Variants in SH2D4B observed in about 807,000 individuals in gnomAD.
SH2D4B encodes the protein SH2 domain containing 4B.
SH2D4B carries 45 observed loss-of-function variants against 61.5 expected under a neutral mutation model. That is an observed-to-expected ratio of 0.73 (90% confidence interval 0.58 to 0.94). The LOEUF is 0.94. SH2D4B is among the 40% of genes least tolerant of loss of function. The probability of loss-of-function intolerance (pLI) is 0.00; values close to 1 mark genes in which losing one functional copy is unlikely to be tolerated. For synonymous variants in SH2D4B, 224 were observed against 220.4 expected (o/e 1.02, Z -0.14); for missense variants, 572 against 574.2 (o/e 1.00, Z 0.04).
At position 80,579,002 on chromosome 10, in the gene SH2D4B, A is replaced by G. The variant is rs565259336; in HGVS notation, c.495+7424A>G. Among the ~76,000 whole-genome samples the G allele has an allele frequency of 7.7e-4, 117 of 152,302 alleles. 1 individual carries two copies. The highest frequency in any genetic ancestry group is 2.1e-4 in the Non-Finnish European group (14 of 68,006). On this transcript the variant is annotated intron_variant, in intron 3 of 7. Transcript: ENST00000646907. ...GAGGAGATGGCAGCACCATCCCACCATGGGGAGCTGGGGAGGGTGTGCAGA... is the reference window on the plus strand; with the variant it reads ...GAGGAGATGGCAGCACCATCCCACCGTGGGGAGCTGGGGAGGGTGTGCAGA...
intron 4 of SH2D4B, among the ~76,000 whole-genome samples, chr10:80,592,800 G>A (rs577829108): frequency 1.4e-5 from 2 of 147,548 alleles, no homozygotes; most frequent in South Asian, 4.2e-4. Flanking sequence ...TGCAAGCTCT[G>A]CCCTATGGGC....
chr10:80,562,733 C>T (rs1206916144), intron 1 of SH2D4B, among the ~76,000 whole-genome samples: 1 of 152,098 alleles, frequency 6.6e-6, no homozygotes, highest in African/African-American at 2.4e-5. Context: ...CTAATTTATG[C>T]TCCCACCAAC....
intron 6 of SH2D4B, among the ~76,000 whole-genome samples, chr10:80,624,745 C>T (rs745808357): frequency 6.6e-6 from 1 of 152,126 alleles, no homozygotes; most frequent in African/African-American, 2.4e-5. Context: ...GCATGGAAAT[C>T]GAAAACTGAT....
At chr10:80,628,795 A>G (rs1162445996) in intron 6 of SH2D4B, among the ~76,000 whole-genome samples, 1 of 152,188 alleles carries the variant, frequency 6.6e-6, no homozygotes, top group East Asian at 1.9e-4. Flanking sequence ...TGGGAAGCTG[A>G]GGCGGGTGGA....
At position 80,538,569 on chromosome 10, in the gene SH2D4B, A is replaced by C. The variant is rs1841537762; in HGVS notation, c.184+54A>C. 1 of 1,304,086 alleles carries C rather than the reference A, an allele frequency of 7.7e-7. No individual in the cohort carries two copies. Among genetic ancestry groups the C allele is most frequent in the Non-Finnish European group, 9.9e-7 (1 of 1,014,206 alleles). 80.8% of individuals were successfully genotyped at this position (1,304,086 alleles called of 1,614,324 possible). On this transcript the variant is annotated intron_variant, in intron 1 of 7. Transcript: ENST00000646907. The surrounding 1 kb of genome is among the most constrained non-coding windows in gnomAD (Gnocchi z 4.8). ...GGCCACCAGTCCCCCAGGAGGTAGA[A>C]AAATTAGCAGGGCCAGGCTGTGCCC...
intron 6 of SH2D4B, among the ~76,000 whole-genome samples, chr10:80,628,083 G>A (rs138545973): frequency 8.7e-4 from 133 of 152,290 alleles, no homozygotes; most frequent in African/African-American, 3.0e-3. Context: ...TCAGCCAGGA[G>A]GTTGTAGGGT....
intron 4 of SH2D4B, among the ~76,000 whole-genome samples, chr10:80,599,101 A>G (rs1842415465): frequency 6.6e-6 from 1 of 152,136 alleles, no homozygotes. Context: ...GTCAGGGTCC[A>G]GTGATATGGG....
chr10:80,587,729 C>T (rs1842276995), intron 3 of SH2D4B, among the ~76,000 whole-genome samples: 1 of 152,142 alleles, frequency 6.6e-6, no homozygotes, highest in African/African-American at 2.4e-5. Context: ...CTTTTTTAGT[C>T]ATTCCCCGTC....
chr10:80,545,933 G>A (rs969580229), intron 1 of SH2D4B, among the ~76,000 whole-genome samples: 1 of 152,062 alleles, frequency 6.6e-6, no homozygotes, highest in Non-Finnish European at 1.5e-5. Context: ...ATATGTATAA[G>A]CAATGATAAA....
intron 1 of SH2D4B, among the ~76,000 whole-genome samples, chr10:80,543,814 A>C (rs1236307327): frequency 6.6e-6 from 1 of 151,944 alleles, no homozygotes; most frequent in Non-Finnish European, 1.5e-5. Context: ...TTGTGAATGC[A>C]CCAATGGACA....
rs1842093430 is a variant in SH2D4B at position 80,573,921 on chromosome 10, A to ATG, written c.495+2343_495+2344insTG. Among the ~76,000 whole-genome samples the ATG allele has an allele frequency of 6.6e-5, 10 of 152,150 alleles. No individual in the cohort carries two copies. The South Asian group carries it at 1.9e-3, about 28-fold the overall frequency. On this transcript the variant is annotated intron_variant, in intron 3 of 7. Transcript: ENST00000646907. ...TCAATTTATAGCTGTCTTTGTGAAA[A>ATG]ATGGACATTTTTACAATATTGAATC...
chr10:80,600,836 A>C (rs1338097424), intron 4 of SH2D4B, among the ~76,000 whole-genome samples: 2 of 152,108 alleles, frequency 1.3e-5, no homozygotes, highest in South Asian at 2.1e-4. Context: ...CTGTCACTGA[A>C]TGTCACTGTC....
chr10:80,600,677 G>A (rs1331551206), intron 4 of SH2D4B, among the ~76,000 whole-genome samples: 1 of 152,184 alleles, frequency 6.6e-6, no homozygotes, highest in African/African-American at 2.4e-5. Flanking sequence ...GAAGGCTTTT[G>A]AGGAAGAGAA....
At chr10:80,636,850 T>C (rs903622073) in intron 7 of SH2D4B, among the ~76,000 whole-genome samples, 10 of 152,354 alleles carry the variant, frequency 6.6e-5, no homozygotes, top group Non-Finnish European at 1.0e-4. Context: ...GTTTTAGTCA[T>C]GAAGTCCTTG....
rs572029055 is a variant in SH2D4B at position 80,645,526 on chromosome 10, C to G, written c.*1441C>G. The G allele has an allele frequency of 6.6e-6, 1 of 152,346 alleles. No homozygotes were observed. The highest frequency in any genetic ancestry group is 2.4e-5 in the African/African-American group (1 of 41,574). The allele number at this position is 152,346 out of a possible 1,614,324, so 9.4% of individuals were successfully genotyped here. A position where few individuals can be genotyped will look rare whatever the true frequency, so the allele number is the denominator to read the frequency against. ...GGTAGATCGCTTTTTCCTCCTTCTT[C>G]CTCCTGGAGGAACTATTCTGAGAGT... On this transcript the variant is annotated 3_prime_UTR_variant, in exon 8 of 8. Transcript: ENST00000646907.
At chr10:80,567,020 T>G (rs923381024) in intron 1 of SH2D4B, among the ~76,000 whole-genome samples, 1 of 152,230 alleles carries the variant, frequency 6.6e-6, no homozygotes, top group African/African-American at 2.4e-5. Flanking sequence ...ATTAATATGA[T>G]GAAGGTTTAT....
At chr10:80,634,795 G>A (rs1751469223) in intron 7 of SH2D4B, among the ~76,000 whole-genome samples, 1 of 152,164 alleles carries the variant, frequency 6.6e-6, no homozygotes, top group Non-Finnish European at 1.5e-5. Context: ...GTTAACACAA[G>A]GACTGGATGA....
chr10:80,578,171 A>G (rs1320827243), intron 3 of SH2D4B, among the ~76,000 whole-genome samples: 1 of 151,994 alleles, frequency 6.6e-6, no homozygotes, highest in East Asian at 1.9e-4. Flanking sequence ...GGGTTTTGCC[A>G]TGTTGCCCAG....
chr10:80,638,303 A>G (rs1840224698), intron 7 of SH2D4B, among the ~76,000 whole-genome samples: 2 of 152,214 alleles, frequency 1.3e-5, no homozygotes, highest in Non-Finnish European at 2.9e-5. Context: ...GGCCTCATAA[A>G]ATGAGTTAGA....
Sources: gnomAD v4.1 joint callset for allele counts (sites outside exome capture counted in the v4.1 genomes callset) on GRCh38, gnomAD v4.1.1 for gene constraint, Gnocchi (gnomAD v3.1) non-coding constraint, MANE v1.5 for transcripts, NCBI Gene and HGNC (gene_info 2026-07-23, HGNC 2026-07-21) for gene names.